Variants in ATG10 observed in about 807,000 individuals in gnomAD.
ATG10 encodes autophagy related 10.
ATG10 carries 30 observed loss-of-function variants against 32.1 expected under a neutral mutation model. The ratio of observed to expected loss-of-function variants is 0.94; its 90% CI spans 0.70 to 1.27. The LOEUF (loss-of-function observed/expected upper bound fraction) is 1.27, where lower values mean the gene tolerates loss of function less well. Ranked by LOEUF, ATG10 falls within the 50% of genes most tolerant of loss-of-function variation. ATG10 has a pLI of 0.00. For missense variants in ATG10, 233 were observed against 262.3 expected (o/e 0.89, Z 0.77); for synonymous variants, 87 against 91.5 (o/e 0.95, Z 0.28).
At chr5:82,121,169 G>A (rs1766026440) in intron 3 of ATG10, among the ~76,000 whole-genome samples, 1 of 152,134 alleles carries the variant, frequency 6.6e-6, no homozygotes, top group Non-Finnish European at 1.5e-5. Context: ...GTAACATGGG[G>A]AATTATGGGA....
At chr5:81,983,466 C>A (rs1200136015) in intron 1 of ATG10, among the ~76,000 whole-genome samples, 1 of 142,040 alleles carries the variant, frequency 7.0e-6, no homozygotes, top group Admixed American at 6.9e-5. Context: ...GGGGTCTGAC[C>A]CCCCCCACCT....
intron 1 of ATG10, among the ~76,000 whole-genome samples, chr5:81,974,931 C>A (rs992720505): frequency 6.6e-6 from 1 of 152,202 alleles, no homozygotes. Flanking sequence ...CCTTCTATTT[C>A]TTTCTTTCTA....
chr5:82,009,232 A>T (rs1429030803), intron 2 of ATG10, among the ~76,000 whole-genome samples: 1 of 152,142 alleles, frequency 6.6e-6, no homozygotes, highest in Non-Finnish European at 1.5e-5. Context: ...TTAATTACTG[A>T]TTAATTGCTC....
At chr5:82,005,107 CAAAT>C (rs1165539527) in intron 2 of ATG10, among the ~76,000 whole-genome samples, 7 of 152,038 alleles carry the variant, frequency 4.6e-5, no homozygotes, top group Admixed American at 1.3e-4. Flanking sequence ...CAAAAACAAC[CAAAT>C]AAATAGGGAT....
At chr5:82,100,649 C>G (rs931276960) in intron 3 of ATG10, among the ~76,000 whole-genome samples, 2 of 102,118 alleles carry the variant, frequency 2.0e-5, no homozygotes, top group African/African-American at 7.6e-5. Flanking sequence ...AGGGCTCTGT[C>G]TTTTGCCTTG....
chr5:82,228,983 G>C (rs994541702), intron 5 of ATG10, among the ~76,000 whole-genome samples: 1 of 152,212 alleles, frequency 6.6e-6, no homozygotes, highest in Admixed American at 6.5e-5. Flanking sequence ...GCAGAAAGTC[G>C]ATTTGACTTG....
chr5:82,014,523 T>G (rs1024816475), intron 2 of ATG10, among the ~76,000 whole-genome samples: 1 of 152,242 alleles, frequency 6.6e-6, no homozygotes, highest in Non-Finnish European at 1.5e-5. Context: ...CTGTATTGGG[T>G]GCCTATATAT....
chr5:82,239,688 G>A (rs1413040540), intron 5 of ATG10, among the ~76,000 whole-genome samples: 3 of 152,072 alleles, frequency 2.0e-5, no homozygotes, highest in African/African-American at 7.2e-5. Context: ...TGGGTCAAAA[G>A]CTTCTGCACA....
intron 1 of ATG10, among the ~76,000 whole-genome samples, chr5:81,975,885 A>G (rs1444807846): frequency 1.3e-5 from 2 of 152,030 alleles, no homozygotes; most frequent in African/African-American, 4.8e-5. Flanking sequence ...TAACATACAA[A>G]ATAAAGAGAA....
intron 3 of ATG10, among the ~76,000 whole-genome samples, chr5:82,090,800 T>A (rs1383943017): frequency 6.6e-6 from 1 of 152,192 alleles, no homozygotes; most frequent in Admixed American, 6.5e-5. Flanking sequence ...ATACCATATC[T>A]TTATGTATTA....
At chr5:82,167,689 G>A (rs1036375922) in intron 4 of ATG10, among the ~76,000 whole-genome samples, 5 of 152,172 alleles carry the variant, frequency 3.3e-5, no homozygotes, top group Admixed American at 2.6e-4. Flanking sequence ...ATCCAAACTA[G>A]CTGAAGCAGC....
intron 5 of ATG10, among the ~76,000 whole-genome samples, chr5:82,201,548 T>C (rs2149963280): frequency 6.6e-6 from 1 of 152,356 alleles, no homozygotes; most frequent in African/African-American, 2.4e-5. Context: ...CCTTGCTTAT[T>C]GTAGCTTTAT....
At chr5:82,080,313 G>A (rs1318324029) in intron 3 of ATG10, among the ~76,000 whole-genome samples, 1 of 152,160 alleles carries the variant, frequency 6.6e-6, no homozygotes, top group Non-Finnish European at 1.5e-5. Context: ...TTTGTAGGTT[G>A]CCTGTTGACT....
chr5:82,091,705 A>ATTTTTCCCCATAT (rs1554047156), intron 3 of ATG10, among the ~76,000 whole-genome samples: 145 of 152,252 alleles, frequency 9.5e-4, no homozygotes, highest in Admixed American at 5.0e-3. Flanking sequence ...AATGAGATCT[A>ATTTTTCCCCATAT]TTTTTCCCCA....
chr5:82,187,873 C>A (rs1000476914), intron 5 of ATG10, among the ~76,000 whole-genome samples: 11 of 152,168 alleles, frequency 7.2e-5, no homozygotes, highest in Admixed American at 1.3e-4. Context: ...CAGGCATGAG[C>A]CACCACACCT....
intron 2 of ATG10, among the ~76,000 whole-genome samples, chr5:82,017,407 G>T (rs1762319556): frequency 6.6e-6 from 1 of 152,054 alleles, no homozygotes. Flanking sequence ...TCTTTCTCTT[G>T]TCTGATTGCT....
chr5:82,231,759 A>C (rs754138867), intron 5 of ATG10, among the ~76,000 whole-genome samples: 3 of 152,200 alleles, frequency 2.0e-5, no homozygotes, highest in African/African-American at 4.8e-5. Flanking sequence ...AATCACTGGG[A>C]AATCTGCTTC....
intron 3 of ATG10, among the ~76,000 whole-genome samples, chr5:82,100,001 T>TTTTG (rs1765208543): frequency 4.2e-5 from 2 of 48,130 alleles, no homozygotes; most frequent in African/African-American, 1.0e-4. Flanking sequence ...TTTTTCTGTG[T>TTTTG]TTTTTTTTTT....
intron 5 of ATG10, among the ~76,000 whole-genome samples, chr5:82,189,627 T>G (rs1379333100): frequency 6.6e-6 from 1 of 152,144 alleles, no homozygotes; most frequent in Non-Finnish European, 1.5e-5. Context: ...TTGTTTTTGT[T>G]TTTTGTTTTT....
Sources: allele counts gnomAD v4.1 joint callset (sites outside exome capture counted in the v4.1 genomes callset), GRCh38; gene constraint gnomAD v4.1.1; transcripts MANE v1.5; gene names NCBI Gene and HGNC (gene_info 2026-07-23, HGNC 2026-07-21).